The following NBAS variants were observed in gnomAD, a reference collection of about 807,000 sequenced individuals.
NBAS encodes the protein NBAS subunit of NRZ tethering complex, also known as NAG/BC035112 fusion.
In NBAS, 219 loss-of-function variants were observed where a neutral mutation model predicts 302.5. That is an observed-to-expected ratio of 0.72 (90% CI 0.65 to 0.81). The LOEUF (loss-of-function observed/expected upper bound fraction) is 0.81. NBAS is among the 30% of genes least tolerant of loss of function. The probability of loss-of-function intolerance (pLI) is 0.00; values close to 1 mark genes in which losing one functional copy is unlikely to be tolerated. For missense variants in NBAS, 2,932 were observed against 2,841.6 expected (o/e 1.03, Z -0.72); for synonymous variants, 1,118 against 1,021.6 (o/e 1.09, Z -1.80).
intron 16 of NBAS, among the ~76,000 whole-genome samples, chr2:15,471,346 T>C (rs1679949349): frequency 1.3e-5 from 2 of 152,242 alleles, no homozygotes; most frequent in African/African-American, 4.8e-5. Context: ...CTTGTATTAA[T>C]GTTAGGTTTA....
At chr2:15,104,632 T>A in the NBAS span, among the ~76,000 whole-genome samples, 1 of 152,144 alleles carries the variant, frequency 6.6e-6, no homozygotes, top group Non-Finnish European at 1.5e-5. Context: ...CCACACTGTC[T>A]TCCACAATAG....
In NBAS at chr2:15,553,801, TCTCC is replaced by T. The variant is rs1285581680; in HGVS notation, c.287+256_287+259del. Among the ~76,000 whole-genome samples the T allele has an allele frequency of 3.5e-4, 41 of 115,950 alleles. 1 individual carries two copies. In the South Asian group the frequency reaches 3.8e-3, roughly 11 times the overall value. The allele number at this position is 115,950 out of a possible 152,430, so 76.1% of individuals were successfully genotyped here. ...CTTTCTCTCTCTCCCTCCCTCCCTC[TCTCC>T]CTCCCTCCCTCTCTCCCTCTCTCTC... On this transcript the variant is annotated intron_variant, in intron 4 of 51. Transcript: ENST00000281513.
the NBAS span, among the ~76,000 whole-genome samples, chr2:14,786,424 T>G: frequency 6.6e-6 from 1 of 152,230 alleles, no homozygotes; most frequent in African/African-American, 2.4e-5. Context: ...AGGGTGTCAA[T>G]TTTGGATCTT....
At chr2:14,945,745 A>G in the NBAS span, among the ~76,000 whole-genome samples, 1 of 151,844 alleles carries the variant, frequency 6.6e-6, no homozygotes, top group Non-Finnish European at 1.5e-5. Context: ...GTCAGAGGAG[A>G]AAAAAGAAAA....
the NBAS span, among the ~76,000 whole-genome samples, chr2:14,779,919 AT>A: frequency 1.3e-5 from 2 of 152,206 alleles, no homozygotes; most frequent in Non-Finnish European, 2.9e-5. Context: ...TTGTTATTAC[AT>A]ATATAACTCT....
chr2:15,042,417 T>C, the NBAS span, among the ~76,000 whole-genome samples: 4 of 48,870 alleles, frequency 8.2e-5, no homozygotes, highest in Non-Finnish European at 1.5e-4. Flanking sequence ...GAGAAGGAAG[T>C]AGAGAAACAA....
chr2:14,839,921 C>G, the NBAS span, among the ~76,000 whole-genome samples: 689 of 151,800 alleles, frequency 4.5e-3, 5 homozygotes, highest in African/African-American at 0.016. Context: ...TGACTTCCAC[C>G]AAACAGACAA....
chr2:15,110,642 C>A, the NBAS span, among the ~76,000 whole-genome samples: 5 of 152,118 alleles, frequency 3.3e-5, no homozygotes, highest in Non-Finnish European at 7.4e-5. Flanking sequence ...ATATCCCTCT[C>A]ATGCAGGTGA....
At chr2:15,429,051 A>AAG (rs1553311135) in intron 21 of NBAS, among the ~76,000 whole-genome samples, 4 of 147,910 alleles carry the variant, frequency 2.7e-5, no homozygotes, top group Admixed American at 2.0e-4. Flanking sequence ...AAAAAAAAAA[A>AAG]GAATAAATTT....
chr2:15,466,901 C>T (rs1184466446), intron 19 of NBAS, among the ~76,000 whole-genome samples: 1 of 149,638 alleles, frequency 6.7e-6, no homozygotes, highest in Non-Finnish European at 1.5e-5. Flanking sequence ...CATGCCACTG[C>T]ACTCCAGCCT....
intron 48 of NBAS, among the ~76,000 whole-genome samples, chr2:15,194,526 T>C (rs956789650): frequency 3.9e-5 from 6 of 152,184 alleles, no homozygotes; most frequent in Non-Finnish European, 7.3e-5. Context: ...CTGCCACTAA[T>C]AGCCCTCATC....
chr2:15,275,827 A>C lies in NBAS; in HGVS notation c.5390-9T>G, dbSNP rs1020824009. 1.2e-6 allele frequency: 2 copies of C among 1,609,468 alleles called. No individual in the cohort carries two copies. Among genetic ancestry groups the C allele is most frequent in the Admixed American group, 1.7e-5 (1 of 59,980 alleles). ...CTTTTTGTAATTAAGACCTAGCAGA[A>C]AAAAAAAGAAAGTAGGTAAGTGGTT... On this transcript the variant is annotated splice_polypyrimidine_tract_variant and intron_variant, in intron 43 of 51. Coordinates refer to ENST00000281513, the MANE Select transcript of NBAS (RefSeq NM_015909.4).
At chr2:15,173,807 A>G (rs944813899) in intron 51 of NBAS, among the ~76,000 whole-genome samples, 8 of 152,176 alleles carry the variant, frequency 5.3e-5, no homozygotes, top group African/African-American at 1.9e-4. Flanking sequence ...GGCTAGTTCC[A>G]CACGCTGTAC....
chr2:15,376,192 C>T (rs1267698377), intron 30 of NBAS, among the ~76,000 whole-genome samples: 10 of 152,148 alleles, frequency 6.6e-5, no homozygotes, highest in Non-Finnish European at 1.3e-4. Flanking sequence ...AAAATGTAAG[C>T]GCTATTTCCT....
intron 44 of NBAS, among the ~76,000 whole-genome samples, chr2:15,267,689 T>C (rs562470942): frequency 2.6e-5 from 4 of 152,130 alleles, no homozygotes; most frequent in Non-Finnish European, 4.4e-5. Context: ...CCAAAAATTA[T>C]AAAGGTCAAT....
At chr2:14,909,675 G>A in the NBAS span, among the ~76,000 whole-genome samples, 1 of 152,182 alleles carries the variant, frequency 6.6e-6, no homozygotes, top group African/African-American at 2.4e-5. Context: ...GATGCACCAG[G>A]GCAGTGCATG....
chr2:15,343,454 G>A (rs1672949064), intron 35 of NBAS, among the ~76,000 whole-genome samples: 2 of 152,028 alleles, frequency 1.3e-5, no homozygotes, highest in South Asian at 4.1e-4. Context: ...AGCAATAATT[G>A]TAACAAAAAT....
At chr2:15,227,341 A>T (rs1456561930) in intron 47 of NBAS, among the ~76,000 whole-genome samples, 5 of 152,232 alleles carry the variant, frequency 3.3e-5, no homozygotes, top group African/African-American at 4.8e-5. Flanking sequence ...AACACTGATG[A>T]AAAAATGGAA....
intron 6 of NBAS, among the ~76,000 whole-genome samples, chr2:15,546,146 A>G (rs150608953): frequency 2.6e-5 from 4 of 152,234 alleles, no homozygotes; most frequent in African/African-American, 9.6e-5. Flanking sequence ...TAAGTGAAGA[A>G]ATCAGATCAC....
Sources: gnomAD v4.1 joint callset for allele counts (sites outside exome capture counted in the v4.1 genomes callset) on GRCh38, gnomAD v4.1.1 for gene constraint, MANE v1.5 for transcripts, NCBI Gene and HGNC (gene_info 2026-07-23, HGNC 2026-07-21) for gene names.